SAMMSON: variants seen among roughly 807,000 people sequenced by gnomAD.
The protein encoded by SAMMSON is survival associated mitochondrial melanoma specific oncogenic non-coding RNA.
intron 4 of SAMMSON, among the ~76,000 whole-genome samples, chr3:70,149,242 T>A (rs2067561833): frequency 6.6e-6 from 1 of 152,136 alleles, no homozygotes; most frequent in Non-Finnish European, 1.5e-5. Flanking sequence ...TGTAAAGCTG[T>A]TAGTCTCTTT....
At chr3:70,265,038 T>C (rs2106665091) in intron 6 of SAMMSON, among the ~76,000 whole-genome samples, 1 of 152,218 alleles carries the variant, frequency 6.6e-6, no homozygotes, top group Non-Finnish European at 1.5e-5. Flanking sequence ...CCATCAGATA[T>C]CGTGAGACTT....
chr3:70,342,008 C>G (rs1169205371), intron 7 of SAMMSON, among the ~76,000 whole-genome samples: 1 of 152,122 alleles, frequency 6.6e-6, no homozygotes, highest in Non-Finnish European at 1.5e-5. Flanking sequence ...TGATGTAAAA[C>G]TGTCCTTGTA....
chr3:70,016,142 G>A (rs907121183), intron 3 of SAMMSON, among the ~76,000 whole-genome samples: 1 of 152,194 alleles, frequency 6.6e-6, no homozygotes, highest in Non-Finnish European at 1.5e-5. Flanking sequence ...TTGCCACACT[G>A]TCTTCCACAA....
At chr3:70,317,257 C>A (rs137901553) in intron 7 of SAMMSON, among the ~76,000 whole-genome samples, 3,210 of 152,050 alleles carry the variant, frequency 0.021, 59 homozygotes, top group Non-Finnish European at 0.027. Context: ...CTGTATTGTG[C>A]TTTGCAGATA....
intron 7 of SAMMSON, among the ~76,000 whole-genome samples, chr3:70,348,140 G>A (rs1033828053): frequency 1.3e-5 from 2 of 152,176 alleles, no homozygotes; most frequent in Non-Finnish European, 2.9e-5. Flanking sequence ...CTATAAATAG[G>A]GTAGGGGAGA....
At chr3:70,312,257 G>A (rs1211516320) in intron 7 of SAMMSON, among the ~76,000 whole-genome samples, 2 of 152,114 alleles carry the variant, frequency 1.3e-5, no homozygotes, top group South Asian at 4.1e-4. Flanking sequence ...TTAACAACTA[G>A]CCATGGATTT....
chr3:70,212,588 C>T (rs908635612), intron 4 of SAMMSON, among the ~76,000 whole-genome samples: 4 of 152,084 alleles, frequency 2.6e-5, no homozygotes, highest in African/African-American at 9.7e-5. Context: ...TCTCTGCCCT[C>T]ACATCTGGAC....
At chr3:70,396,446 G>C (rs1701094061) in intron 2 of SAMMSON, among the ~76,000 whole-genome samples, 1 of 152,120 alleles carries the variant, frequency 6.6e-6, no homozygotes, top group African/African-American at 2.4e-5. Flanking sequence ...AGCCCTTTTG[G>C]TAATAATTCA....
In SAMMSON at chr3:70,346,588, A is replaced by G. The variant is rs1343408884; in HGVS notation, n.740-7587A>G. On this transcript the variant is annotated intron_variant and non_coding_transcript_variant, in intron 7 of 9. Coordinates refer to ENST00000642114, the Ensembl canonical transcript of SAMMSON. ...AAAGAGTTATCCTAAATGTTTACTTAAGGGGAAAAATCTTCTCAAACAGAA... is the reference window on the plus strand; with the variant it reads ...AAAGAGTTATCCTAAATGTTTACTTGAGGGGAAAAATCTTCTCAAACAGAA... 2.0e-5 allele frequency among the ~76,000 whole-genome samples: 3 copies of G among 152,120 alleles called. No individual in the cohort carries two copies. In the East Asian group the frequency reaches 5.8e-4, roughly 29 times the overall value.
At chr3:70,136,670 T>C (rs893602314) in intron 4 of SAMMSON, among the ~76,000 whole-genome samples, 7 of 152,208 alleles carry the variant, frequency 4.6e-5, no homozygotes, top group African/African-American at 1.4e-4. Context: ...AGATAGCTGG[T>C]ATAAACTGAA....
At chr3:70,031,190 A>G (rs1374800736) in intron 3 of SAMMSON, among the ~76,000 whole-genome samples, 1 of 152,214 alleles carries the variant, frequency 6.6e-6, no homozygotes, top group Non-Finnish European at 1.5e-5. Context: ...TATACATGCA[A>G]TACAATATTA....
intron 2 of SAMMSON, among the ~76,000 whole-genome samples, chr3:70,419,633 T>A (rs1378497357): frequency 6.6e-6 from 1 of 152,070 alleles, no homozygotes; most frequent in Admixed American, 6.5e-5. Context: ...AATTATGCTA[T>A]CTGAAAATGG....
chr3:70,150,472 T>C (rs963077350), intron 4 of SAMMSON, among the ~76,000 whole-genome samples: 6 of 152,098 alleles, frequency 3.9e-5, no homozygotes, highest in Admixed American at 1.3e-4. Context: ...TTGAAATCTT[T>C]AGAGATATGA....
rs2066932574 is a variant in SAMMSON, at chr3:70,007,476, C to G, written n.23-4881C>G. Reference sequence around the variant, plus strand: ...GAGAAGTGTCTGTTCATATCCTTCACTTTTTGATGGGGCTGTTTGTTTTTT... The same window carrying G: ...GAGAAGTGTCTGTTCATATCCTTCAGTTTTTGATGGGGCTGTTTGTTTTTT... On this transcript the variant is annotated intron_variant and non_coding_transcript_variant, in intron 1 of 9. Transcript: ENST00000642114. 3.3e-5 allele frequency among the ~76,000 whole-genome samples: 5 copies of G among 152,134 alleles called. No homozygotes were observed. The South Asian group carries it at 1.0e-3, about 32-fold the overall frequency.
chr3:70,181,947 A>T (rs1471124265), intron 4 of SAMMSON, among the ~76,000 whole-genome samples: 1 of 152,100 alleles, frequency 6.6e-6, no homozygotes, highest in Admixed American at 6.5e-5. Context: ...CAGGAAAGAG[A>T]TTTCAGAAAG....
intron 3 of SAMMSON, chr3:70,065,465 A>G (rs1263060875): frequency 6.6e-6 from 1 of 152,114 alleles, no homozygotes; most frequent in African/African-American, 2.4e-5. Context: ...CCATAAAACT[A>G]TTATTAGATT....
chr3:70,071,008 T>G (rs2107594538), intron 3 of SAMMSON, among the ~76,000 whole-genome samples: 1 of 152,192 alleles, frequency 6.6e-6, no homozygotes, highest in East Asian at 1.9e-4. Flanking sequence ...AAGCCAATCA[T>G]TTTCTTTTTT....
intron 2 of SAMMSON, among the ~76,000 whole-genome samples, chr3:70,405,160 C>A (rs1389180926): frequency 6.6e-6 from 1 of 151,996 alleles, no homozygotes; most frequent in Non-Finnish European, 1.5e-5. Context: ...TTGGTAGATA[C>A]CAAATAAGGG....
At chr3:70,425,603 C>T (rs1318499954) in intron 2 of SAMMSON, among the ~76,000 whole-genome samples, 3 of 151,296 alleles carry the variant, frequency 2.0e-5, no homozygotes, top group East Asian at 2.0e-4. Flanking sequence ...TTAGTAGAGA[C>T]GGGGTTTCAC....
Sources: gnomAD v4.1 joint callset for allele counts (sites outside exome capture counted in the v4.1 genomes callset) on GRCh38, gnomAD v4.1.1 for gene constraint, MANE v1.5 for transcripts, NCBI Gene and HGNC (gene_info 2026-07-23, HGNC 2026-07-21) for gene names.